Variants in EXOSC4 observed in about 807,000 individuals in gnomAD.
EXOSC4 encodes exosome component 4.
EXOSC4 carries 14 observed loss-of-function variants against 20.0 expected under a neutral mutation model. That is an observed-to-expected ratio of 0.70 (90% CI 0.46 to 1.09). EXOSC4 has a LOEUF of 1.09. EXOSC4 is among the 50% of genes least tolerant of loss of function. The pLI, the probability that EXOSC4 is intolerant of heterozygous loss-of-function variation, is 0.00. For synonymous variants in EXOSC4, 148 were observed against 146.4 expected (o/e 1.01, Z -0.08); for missense variants, 337 against 334.0 (o/e 1.01, Z -0.07).
chr8:144,068,544 C>T, the EXOSC4 span, among the ~76,000 whole-genome samples: 1 of 152,216 alleles, frequency 6.6e-6, no homozygotes, highest in East Asian at 1.9e-4. Context: ...GTTCTCCGGG[C>T]CTCCACCTGA....
At chr8:144,064,929 C>T in the EXOSC4 span, among the ~76,000 whole-genome samples, 8 of 151,724 alleles carry the variant, frequency 5.3e-5, no homozygotes, top group South Asian at 2.1e-4. Context: ...GCAAGCTCCG[C>T]CTCCCAGGTT....
At chr8:144,070,782 C>T in the EXOSC4 span, among the ~76,000 whole-genome samples, 22 of 151,796 alleles carry the variant, frequency 1.4e-4, no homozygotes, top group African/African-American at 4.8e-4. Flanking sequence ...GAGCCGAGGT[C>T]GCACCATTGC....
chr8:144,079,747 AC>A (rs1308113217), intron 1 of EXOSC4, 195 bp from the exon 2 acceptor site: 21 of 712,248 alleles, frequency 2.9e-5, no homozygotes, highest in African/African-American at 2.9e-4. Flanking sequence ...AAGGATGGAC[AC>A]AAGGAAGCCA....
chr8:144,067,788 A>G, the EXOSC4 span, among the ~76,000 whole-genome samples: 1 of 152,210 alleles, frequency 6.6e-6, no homozygotes, highest in Non-Finnish European at 1.5e-5. Flanking sequence ...CGGATGGATC[A>G]CCTGAGGTCA....
At chr8:144,068,479 T>C in the EXOSC4 span, among the ~76,000 whole-genome samples, 1 of 152,220 alleles carries the variant, frequency 6.6e-6, no homozygotes, top group Non-Finnish European at 1.5e-5. Context: ...CCAGTTCTCA[T>C]GCTGTGGAAT....
upstream of EXOSC4, among the ~76,000 whole-genome samples, chr8:144,077,786 GGAAGCCCTGGTTGCATGGA>G (rs1835850034): frequency 1.3e-5 from 2 of 152,294 alleles, no homozygotes; most frequent in African/African-American, 4.8e-5. Context: ...CATACTGCAA[GGAAGCCCTGGTTGCATGGA>G]GAAGCCACAT....
the EXOSC4 span, among the ~76,000 whole-genome samples, chr8:144,071,691 T>C: frequency 1.2e-4 from 18 of 151,834 alleles, no homozygotes; most frequent in Middle Eastern, 3.4e-3. Context: ...ATACTGTACA[T>C]ATTGGTCAGG....
chr8:144,073,168 C>G, the EXOSC4 span, among the ~76,000 whole-genome samples: 1 of 151,852 alleles, frequency 6.6e-6, no homozygotes, highest in Non-Finnish European at 1.5e-5. Context: ...GGCGGATCAC[C>G]TGAGGTCAGG....
At chr8:144,073,404 C>T in the EXOSC4 span, among the ~76,000 whole-genome samples, 1 of 151,922 alleles carries the variant, frequency 6.6e-6, no homozygotes, top group Non-Finnish European at 1.5e-5. Flanking sequence ...ATAACAAAGA[C>T]CTCAGGCCCC....
chr8:144,080,038 G>A lies in EXOSC4; in HGVS notation c.267G>A (p.Arg89=), dbSNP rs1835881026. The A allele has an allele frequency of 6.2e-7, 1 of 1,614,096 alleles. No homozygotes were observed. Among genetic ancestry groups the A allele is most frequent in the Admixed American group, 1.7e-5 (1 of 60,026 alleles). ...TCAGCACAGGTGAGCGCAAGCGACG[G>A]CCACATGGGGACCGTAAGTCCTGTG... The part of the protein sequence containing the change: ...ATFSTGERKR[R]PHGDRKSCEM... Residue 89 remains arginine (R), a synonymous_variant, in exon 2 of 3, where the codon CGG becomes CGA. Coordinates refer to ENST00000316052, the MANE Select transcript of EXOSC4 (RefSeq NM_019037.3). The surrounding 1 kb of genome is among the most constrained non-coding windows in gnomAD (Gnocchi z 4.9).
chr8:144,067,600 T>C, the EXOSC4 span, among the ~76,000 whole-genome samples: 11 of 152,266 alleles, frequency 7.2e-5, no homozygotes, highest in Admixed American at 6.5e-4. Context: ...GAAGAAGCAG[T>C]GGAGACCAGA....
chr8:144,070,662 A>T, the EXOSC4 span, among the ~76,000 whole-genome samples: 1 of 151,922 alleles, frequency 6.6e-6, no homozygotes, highest in Non-Finnish European at 1.5e-5. Flanking sequence ...CCCCATCTCT[A>T]TTAAAAATAC....
At chr8:144,078,512 G>C, upstream of EXOSC4, 1 of 425,868 alleles carries the variant, frequency 2.3e-6, no homozygotes, top group African/African-American at 2.0e-5. This position sits in a 1 kb window ranked among gnomAD's most constrained non-coding sequence, Gnocchi z 4.7. Flanking sequence ...TCGGGGCCGC[G>C]GTGAACTCCA....
chr8:144,079,546 G>C (rs937148341), intron 1 of EXOSC4: 8 of 366,744 alleles, frequency 2.2e-5, no homozygotes, highest in Middle Eastern at 1.7e-3. Flanking sequence ...TGGGGAAAGA[G>C]GGGATAACTC....
chr8:144,078,896 C>T lies in EXOSC4; in HGVS notation c.168C>T (p.His56=). 2 of 1,476,104 alleles carry T rather than the reference C, an allele frequency of 1.4e-6. No individual in the cohort carries two copies. The highest frequency in any genetic ancestry group is 2.9e-5 in the African/African-American group (2 of 68,476). 91.4% of individuals were successfully genotyped at this position (1,476,104 alleles called of 1,614,324 possible). ...TKALAVVYGP[H]EIRGSRARAL... Reference sequence around the variant, plus strand: ...CACTGGCTGTGGTCTACGGCCCGCACGAGGCGAGTGGGCGCGCGGGATGGG... The same window carrying T: ...CACTGGCTGTGGTCTACGGCCCGCATGAGGCGAGTGGGCGCGCGGGATGGG... Residue 56 remains histidine (H), a synonymous_variant, in exon 1 of 3, where the codon CAC becomes CAT. Coordinates refer to ENST00000316052, the MANE Select transcript of EXOSC4 (RefSeq NM_019037.3). This position sits in a 1 kb window ranked among gnomAD's most constrained non-coding sequence, Gnocchi z 4.7.
the EXOSC4 span, among the ~76,000 whole-genome samples, chr8:144,069,842 T>A: frequency 6.6e-6 from 1 of 152,116 alleles, no homozygotes. Context: ...AGCATGGGGG[T>A]TCCCCCAAGG....
At position 144,078,868 on chromosome 8, in the gene EXOSC4, A is replaced by G; in HGVS notation, c.140A>G (p.Lys47Arg). The G allele has an allele frequency of 1.3e-6, 2 of 1,537,058 alleles. No homozygotes were observed. The highest frequency in any genetic ancestry group is 1.4e-5 in the African/African-American group (1 of 70,264). ...GSAYIEQGNT[K>R]ALAVVYGPHE... ...GCCTACATTGAGCAGGGCAACACCA[A>G]GGCACTGGCTGTGGTCTACGGCCCG... Residue 47 changes from lysine to arginine, a missense_variant, in exon 1 of 3, where the codon AAG becomes AGG. Physicochemically the swap from Lys to Arg is conservative, Grantham distance 26. Transcript: ENST00000316052. This position sits in a 1 kb window ranked among gnomAD's most constrained non-coding sequence, Gnocchi z 4.7.
chr8:144,074,402 T>A (rs1460213620), upstream of EXOSC4, among the ~76,000 whole-genome samples: 1 of 152,096 alleles, frequency 6.6e-6, no homozygotes, highest in African/African-American at 2.4e-5. Context: ...CGCTAGTCAT[T>A]CTGGTGTAGA....
the EXOSC4 span, among the ~76,000 whole-genome samples, chr8:144,065,689 C>G: frequency 6.6e-6 from 1 of 152,004 alleles, no homozygotes. Flanking sequence ...GAGCTGAGAT[C>G]GTGCCACTGC....
Sources: gnomAD v4.1 joint callset for allele counts (sites outside exome capture counted in the v4.1 genomes callset) on GRCh38, gnomAD v4.1.1 for gene constraint, Gnocchi (gnomAD v3.1) non-coding constraint, MANE v1.5 for transcripts, NCBI Gene and HGNC (gene_info 2026-07-23, HGNC 2026-07-21) for gene names.